The following SLC44A5 variants were observed in gnomAD, a reference collection of about 807,000 sequenced individuals.
SLC44A5 encodes solute carrier family 44 member 5.
A neutral mutation model predicts 101.8 loss-of-function variants in SLC44A5; 57 were observed. The observed-to-expected ratio is 0.56, with a 90% CI of 0.45 to 0.70. SLC44A5 has a LOEUF of 0.70. SLC44A5 is among the 30% of genes least tolerant of loss of function. SLC44A5 has a pLI of 0.00. For missense variants in SLC44A5, 737 were observed against 853.1 expected, an observed-to-expected ratio of 0.86 and a Z score of 1.70; for synonymous variants, 281 against 290.9, an observed-to-expected ratio of 0.97 and a Z score of 0.35.
At chr1:75,429,746 A>T (rs926978718) in intron 2 of SLC44A5, among the ~76,000 whole-genome samples, 2 of 152,144 alleles carry the variant, frequency 1.3e-5, no homozygotes, top group African/African-American at 2.4e-5. Context: ...TTTATGCCAC[A>T]CATGCCAGAT....
At chr1:75,515,055 A>G (rs964530224) in intron 2 of SLC44A5, among the ~76,000 whole-genome samples, 5 of 152,194 alleles carry the variant, frequency 3.3e-5, no homozygotes, top group Non-Finnish European at 7.4e-5. Context: ...CCACAGTATT[A>G]ATGCAGTTCA....
At chr1:75,465,426 C>A (rs1238707990) in intron 2 of SLC44A5, among the ~76,000 whole-genome samples, 12 of 151,538 alleles carry the variant, frequency 7.9e-5, no homozygotes, top group Non-Finnish European at 1.8e-4. Flanking sequence ...CATACCTACC[C>A]AAAAAAAGAA....
intron 1 of SLC44A5, among the ~76,000 whole-genome samples, chr1:75,558,175 G>A (rs7518629): frequency 9.2e-5 from 14 of 151,952 alleles, no homozygotes; most frequent in South Asian, 4.1e-4. Flanking sequence ...ATCTTTGGAT[G>A]TAACTGCAAG....
chr1:75,296,366 CTT>C (rs200894510), intron 5 of SLC44A5, among the ~76,000 whole-genome samples: 93,844 of 144,442 alleles, frequency 0.65, 30,631 homozygotes, highest in East Asian at 0.91. Flanking sequence ...GTTTTTTTTT[CTT>C]TTTTTTTTTT....
the SLC44A5 span, among the ~76,000 whole-genome samples, chr1:75,654,454 C>A: frequency 6.6e-6 from 1 of 152,168 alleles, no homozygotes; most frequent in Non-Finnish European, 1.5e-5. Flanking sequence ...CACCATCAAG[C>A]ACAACCCTGG....
intron 4 of SLC44A5, among the ~76,000 whole-genome samples, chr1:75,335,544 C>T (rs1657377889): frequency 6.6e-6 from 1 of 152,120 alleles, no homozygotes; most frequent in East Asian, 1.9e-4. Context: ...AGAGCAGGAT[C>T]CTTACATAGG....
chr1:75,272,209 C>T (rs1051510617), intron 6 of SLC44A5, among the ~76,000 whole-genome samples: 9 of 151,862 alleles, frequency 5.9e-5, no homozygotes, highest in Admixed American at 6.6e-5. Flanking sequence ...AGATTATGGA[C>T]ACTAGTCCTT....
At position 75,344,826 on chromosome 1, in the gene SLC44A5, A is replaced by C. The variant is rs1307391605; in HGVS notation, c.53-5196T>G. On this transcript the variant is annotated intron_variant, in intron 3 of 23. Coordinates refer to ENST00000370859, the MANE Select transcript of SLC44A5 (RefSeq NM_001130058.2). ...TAATAAATTTGTGTTTTTCTAAGCC[A>C]CACTTAGAATTGTGTGGTAATTCAT... Among the ~76,000 whole-genome samples, 9 of 152,128 alleles carry C rather than the reference A, an allele frequency of 5.9e-5. 1 individual carries two copies. Among genetic ancestry groups the C allele is most frequent in the Admixed American group, 5.9e-4 (9 of 15,246 alleles).
intron 2 of SLC44A5, among the ~76,000 whole-genome samples, chr1:75,428,478 T>C (rs2101587207): frequency 6.6e-6 from 1 of 152,312 alleles, no homozygotes; most frequent in Non-Finnish European, 1.5e-5. Context: ...GATATACCAG[T>C]TGGAACTCAT....
At chr1:75,330,167 A>C (rs1196173160) in intron 4 of SLC44A5, among the ~76,000 whole-genome samples, 1 of 125,082 alleles carries the variant, frequency 8.0e-6, no homozygotes, top group Non-Finnish European at 1.6e-5. Context: ...GCATATATAT[A>C]CGTATATATG....
chr1:75,286,960 G>C (rs1049503241), intron 5 of SLC44A5, among the ~76,000 whole-genome samples: 1 of 152,028 alleles, frequency 6.6e-6, no homozygotes, highest in Non-Finnish European at 1.5e-5. Flanking sequence ...GTTGTTCTTT[G>C]AGCTTCCTGT....
chr1:75,708,575 A>G, the SLC44A5 span, among the ~76,000 whole-genome samples: 1 of 152,116 alleles, frequency 6.6e-6, no homozygotes, highest in African/African-American at 2.4e-5. Context: ...ATATTAGTCT[A>G]TACATTCAAC....
intron 2 of SLC44A5, among the ~76,000 whole-genome samples, chr1:75,457,993 C>A (rs1468229831): frequency 6.6e-6 from 1 of 152,160 alleles, no homozygotes; most frequent in Admixed American, 6.5e-5. Context: ...AAGACACAGT[C>A]CTTACCCTCA....
At chr1:75,353,454 T>C (rs1486165776) in intron 3 of SLC44A5, among the ~76,000 whole-genome samples, 2 of 152,216 alleles carry the variant, frequency 1.3e-5, no homozygotes, top group African/African-American at 4.8e-5. Flanking sequence ...GGCAGGAACT[T>C]TGTCTGTTTT....
At chr1:75,701,855 T>C in the SLC44A5 span, among the ~76,000 whole-genome samples, 35 of 152,122 alleles carry the variant, frequency 2.3e-4, no homozygotes, top group Non-Finnish European at 1.6e-4. Context: ...CATTCTTATA[T>C]ACCAACAACA....
rs72990608 is a variant in SLC44A5 at position 75,551,304 on chromosome 1, T to C, written c.-69-9788A>G. Reference sequence around the variant, plus strand: ...GGACCTGTCTGGTTGAAAATAATATTCATATTCCTTAGCCAGGCAAGTATA... The same window carrying C: ...GGACCTGTCTGGTTGAAAATAATATCCATATTCCTTAGCCAGGCAAGTATA... On this transcript the variant is annotated intron_variant, in intron 1 of 23. Transcript: ENST00000370859. Among the ~76,000 whole-genome samples, 672 of 152,222 alleles carry C rather than the reference T, an allele frequency of 4.4e-3. 4 individuals carry two copies. The highest frequency in any genetic ancestry group is 0.016 in the African/African-American group (656 of 41,548).
Position 75,255,381 on chromosome 1 carries a change from T to C in SLC44A5, c.261-4087A>G, listed in dbSNP as rs185000026. Among the ~76,000 whole-genome samples the C allele has an allele frequency of 4.5e-4, 68 of 151,950 alleles. 1 individual carries two copies. The highest frequency in any genetic ancestry group is 3.4e-4 in the Non-Finnish European group (23 of 67,982). On this transcript the variant is annotated intron_variant, in intron 6 of 23. Transcript: ENST00000370859. ...TTATTCACAAAATAAAAATGTGATG[T>C]TATTGTAAAAGAATAATTGGAGAAC...
At chr1:75,236,103 G>A (rs920840257) in intron 11 of SLC44A5, among the ~76,000 whole-genome samples, 3 of 152,038 alleles carry the variant, frequency 2.0e-5, no homozygotes, top group Non-Finnish European at 4.4e-5. Context: ...TACCAGGAAA[G>A]GAAACAGAAT....
At chr1:75,422,768 G>A (rs374337465) in intron 2 of SLC44A5, among the ~76,000 whole-genome samples, 18 of 152,256 alleles carry the variant, frequency 1.2e-4, no homozygotes, top group East Asian at 5.8e-4. Context: ...GGCCCAGAGG[G>A]GTTATGTGAA....
Sources: gnomAD v4.1 joint callset for allele counts (sites outside exome capture counted in the v4.1 genomes callset) on GRCh38, gnomAD v4.1.1 for gene constraint, MANE v1.5 for transcripts, NCBI Gene and HGNC (gene_info 2026-07-23, HGNC 2026-07-21) for gene names.